PRH1: variants seen among roughly 807,000 people sequenced by gnomAD.
PRH1 encodes the protein salivary acidic proline-rich phosphoprotein 1/2.
A neutral mutation model predicts 7.9 loss-of-function variants in PRH1; 7 were observed. The ratio of observed to expected loss-of-function variants is 0.89; its 90% CI spans 0.50 to 1.67. The LOEUF is 1.67. Among genes scored for constraint, PRH1 ranks in the 40% most tolerant of loss-of-function variants. PRH1 has a pLI of 0.00. For synonymous variants in PRH1, 45 were observed against 80.8 expected, an observed-to-expected ratio of 0.56 and a Z score of 2.38; for missense variants, 109 against 223.6, an observed-to-expected ratio of 0.49 and a Z score of 3.27.
intron 1 of PRH1, chr12:11,031,337 T>C: frequency 1.2e-6 from 2 of 1,610,804 alleles, no homozygotes; most frequent in Non-Finnish European, 1.7e-6. Context: ...AGTTGTCATG[T>C]CTGAACAGAC....
At chr12:11,169,392 T>C (rs1028082172) in intron 1 of PRH1, among the ~76,000 whole-genome samples, 2 of 151,976 alleles carry the variant, frequency 1.3e-5, no homozygotes, top group Non-Finnish European at 2.9e-5. Context: ...CATTAAGGAG[T>C]AGGATTTGGA....
In PRH1 at chr12:11,087,707, T is replaced by C. The variant is rs1426131555; in HGVS notation, n.124-40519A>G. ...AACACTTGCAAGTTACAGGGGATGGTAGTCCTTTCTATAACCTGATTCACT... is the reference window on the plus strand; with the variant it reads ...AACACTTGCAAGTTACAGGGGATGGCAGTCCTTTCTATAACCTGATTCACT... On this transcript the variant is annotated intron_variant and non_coding_transcript_variant, in intron 1 of 4. Coordinates refer to the PRH1 transcript ENST00000541977. Among the ~76,000 whole-genome samples, 4 of 116,600 alleles carry C rather than the reference T, an allele frequency of 3.4e-5. 1 individual carries two copies. The highest frequency in any genetic ancestry group is 5.8e-5 in the African/African-American group (2 of 34,726). The allele number at this position is 116,600 out of a possible 152,430, so 76.5% of individuals were successfully genotyped here. A position where few individuals can be genotyped will look rare whatever the true frequency, so the allele number is the denominator to read the frequency against.
chr12:11,090,303 C>A lies in PRH1; in HGVS notation n.124-43115G>T, dbSNP rs576877446. 5.8e-4 allele frequency among the ~76,000 whole-genome samples: 67 copies of A among 115,232 alleles called. 17 individuals are homozygous for A. The highest frequency in any genetic ancestry group is 1.2e-3 in the South Asian group (5 of 4,222). 75.6% of individuals were successfully genotyped at this position (115,232 alleles called of 152,430 possible). On this transcript the variant is annotated intron_variant and non_coding_transcript_variant, in intron 1 of 4. Coordinates refer to the PRH1 transcript ENST00000541977. The stretch of plus-strand genomic sequence containing the variant: ...TTCCACAATTTCTATACTATATTTA[C>A]ATTGATTTTATTTTTCAAAAAGAGA...
Position 11,077,600 on chromosome 12 carries a change from C to A in PRH1, n.124-30412G>T. On this transcript the variant is annotated intron_variant and non_coding_transcript_variant, in intron 1 of 4. Transcript: ENST00000541977. The stretch of plus-strand genomic sequence containing the variant: ...ACCTTGGTGCTGAGATCTTGAGATC[C>A]TTTGCCATGGAGCTGCATCTTCTTG... 3.8e-6 allele frequency: 5 copies of A among 1,302,766 alleles called. 1 individual carries two copies. The highest frequency in any genetic ancestry group is 1.8e-4 in the Middle Eastern group (1 of 5,664). The allele number at this position is 1,302,766 out of a possible 1,614,324, so 80.7% of individuals were successfully genotyped here.
At chr12:10,921,625 A>G (rs1187624833) in intron 2 of PRH1, among the ~76,000 whole-genome samples, 1 of 152,010 alleles carries the variant, frequency 6.6e-6, no homozygotes, top group Non-Finnish European at 1.5e-5. Flanking sequence ...CTATTTATTT[A>G]TTCATTCATT....
intron 1 of PRH1, chr12:11,034,802 G>C (rs1325334844): frequency 6.6e-6 from 1 of 152,254 alleles, no homozygotes; most frequent in African/African-American, 2.4e-5. Context: ...TGGGAGGATG[G>C]TTTGAGCCCA....
rs558404171 is a variant in PRH1, at chr12:10,956,010, A to C, written c.-59+17645T>G. The stretch of plus-strand genomic sequence containing the variant: ...CAGCAGAATTCCACCATGTGTATAA[A>C]GAACTGGTACTATTCACACTAAACC... On this transcript the variant is annotated intron_variant, in intron 2 of 3. Coordinates refer to the PRH1 transcript ENST00000539853. 2.6e-5 allele frequency among the ~76,000 whole-genome samples: 4 copies of C among 152,270 alleles called. No homozygotes were observed. The East Asian group carries it at 7.7e-4, about 29-fold the overall frequency.
At chr12:10,960,711 A>G (rs1304813298) in intron 2 of PRH1, among the ~76,000 whole-genome samples, 1 of 152,210 alleles carries the variant, frequency 6.6e-6, no homozygotes, top group Non-Finnish European at 1.5e-5. Context: ...GGAAGTGGCA[A>G]GTTCCTTAAA....
At chr12:10,954,393 T>C (rs1447888848) in intron 2 of PRH1, among the ~76,000 whole-genome samples, 1 of 152,138 alleles carries the variant, frequency 6.6e-6, no homozygotes, top group Non-Finnish European at 1.5e-5. Flanking sequence ...ACCCATAAGC[T>C]CAAATTTAAA....
chr12:11,017,923 T>C (rs1414787623), intron 1 of PRH1, among the ~76,000 whole-genome samples: 2 of 152,136 alleles, frequency 1.3e-5, no homozygotes, highest in Non-Finnish European at 2.9e-5. Flanking sequence ...CTCTGATGTG[T>C]TAATAAAGTC....
chr12:11,035,975 G>A (rs11609852), intron 1 of PRH1, among the ~76,000 whole-genome samples: 33,919 of 151,986 alleles, frequency 0.22, 3,825 homozygotes, highest in Non-Finnish European at 0.24. Context: ...CTCACTGCAA[G>A]CTCTGTCCCC....
At chr12:10,979,850 T>G (rs535877514) in intron 1 of PRH1, among the ~76,000 whole-genome samples, 52 of 152,300 alleles carry the variant, frequency 3.4e-4, no homozygotes, top group African/African-American at 1.2e-3. Flanking sequence ...GGACTCTATG[T>G]TTTTTGTCTA....
chr12:10,964,767 GA>G, intron 2 of PRH1: 1 of 646,940 alleles, frequency 1.5e-6, no homozygotes, highest in South Asian at 1.6e-5. Flanking sequence ...ATTAAGAGCA[GA>G]AAAGATAACA....
intron 1 of PRH1, among the ~76,000 whole-genome samples, chr12:11,102,117 C>G (rs888849587): frequency 1.3e-5 from 2 of 152,024 alleles, no homozygotes; most frequent in African/African-American, 4.8e-5. Context: ...CCATACTTCC[C>G]AAGGTAATTT....
chr12:11,038,384 TGACTATCCCA>T (rs1317728711), intron 1 of PRH1, among the ~76,000 whole-genome samples: 1 of 152,264 alleles, frequency 6.6e-6, no homozygotes, highest in Non-Finnish European at 1.5e-5. Context: ...TCCTCCTTCT[TGACTATCCCA>T]GTTGTTATGA....
chr12:11,090,139 C>A (rs1944830563), intron 1 of PRH1, among the ~76,000 whole-genome samples: 1 of 115,978 alleles, frequency 8.6e-6, no homozygotes, highest in Non-Finnish European at 2.0e-5. Context: ...TATAATAGAA[C>A]TTCCTATTAA....
intron 1 of PRH1, among the ~76,000 whole-genome samples, chr12:11,137,997 C>CCTAG (rs1327241827): frequency 6.6e-6 from 1 of 151,908 alleles, no homozygotes; most frequent in East Asian, 1.9e-4. Context: ...CAGCATCAGG[C>CCTAG]CTAGGCAAAT....
intron 1 of PRH1, chr12:10,985,837 A>T: frequency 9.2e-7 from 1 of 1,089,452 alleles, no homozygotes; most frequent in Admixed American, 2.4e-5. Flanking sequence ...TCAAAAACAT[A>T]CACTACAGAA....
chr12:10,948,665 TGC>T (rs1950524745), intron 2 of PRH1, among the ~76,000 whole-genome samples: 3 of 152,216 alleles, frequency 2.0e-5, no homozygotes, highest in Admixed American at 6.5e-5. Flanking sequence ...GTTGGAAAAC[TGC>T]TGTAGTCTTT....
Sources: gnomAD v4.1 joint callset for allele counts (sites outside exome capture counted in the v4.1 genomes callset) on GRCh38, gnomAD v4.1.1 for gene constraint, MANE v1.5 for transcripts, NCBI Gene and HGNC (gene_info 2026-07-23, HGNC 2026-07-21) for gene names.